Variants in STK33 observed in about 807,000 individuals in gnomAD.
STK33 encodes serine/threonine-protein kinase 33.
A neutral mutation model predicts 58.0 loss-of-function variants in STK33; 52 were observed. That is an observed-to-expected ratio of 0.90 (90% CI 0.72 to 1.13). The LOEUF (loss-of-function observed/expected upper bound fraction) is 1.13, where lower values mean the gene tolerates loss of function less well. Among genes scored for constraint, STK33 ranks in the 50% most tolerant of loss-of-function variants. The pLI, the probability that STK33 is intolerant of heterozygous loss-of-function variation, is 0.00. For missense variants in STK33, 630 were observed against 604.2 expected (o/e 1.04, Z -0.45); for synonymous variants, 215 against 200.1 (o/e 1.07, Z -0.63).
intron 2 of STK33, among the ~76,000 whole-genome samples, 134 bp downstream of exon 2, chr11:8,480,275 TG>T (rs1333422306): frequency 6.6e-6 from 1 of 152,070 alleles, no homozygotes; most frequent in Non-Finnish European, 1.5e-5. Flanking sequence ...AGGGAAGCAA[TG>T]GGGGAATTTA....
At chr11:8,491,820 C>G (rs535108230) in intron 1 of STK33, among the ~76,000 whole-genome samples, 3 of 152,132 alleles carry the variant, frequency 2.0e-5, no homozygotes, top group African/African-American at 7.2e-5. Context: ...AATTTTCAAC[C>G]CAGAATTTCA....
At chr11:8,379,831 C>T in the STK33 span, among the ~76,000 whole-genome samples, 1 of 151,870 alleles carries the variant, frequency 6.6e-6, no homozygotes, top group Non-Finnish European at 1.5e-5. Context: ...TTGTGCTATC[C>T]ATAAGTCCTC....
At chr11:8,451,184 A>G (rs1330547282) in intron 11 of STK33, among the ~76,000 whole-genome samples, 1 of 152,234 alleles carries the variant, frequency 6.6e-6, no homozygotes, top group African/African-American at 2.4e-5. Flanking sequence ...AAAAAATTAA[A>G]CATAAACTTA....
At chr11:8,431,574 C>A (rs146995860) in intron 14 of STK33, among the ~76,000 whole-genome samples, 4 of 152,098 alleles carry the variant, frequency 2.6e-5, no homozygotes, top group Admixed American at 2.0e-4. Flanking sequence ...GGAGAGGAAC[C>A]GTTTTATTCA....
downstream of STK33, among the ~76,000 whole-genome samples, chr11:8,388,824 G>A (rs1848579527): frequency 6.6e-6 from 1 of 152,154 alleles, no homozygotes; most frequent in Non-Finnish European, 1.5e-5. Context: ...GTTCGGTATC[G>A]GGCAACGCTC....
chr11:8,417,063 G>C (rs1005209972), intron 14 of STK33, among the ~76,000 whole-genome samples: 3 of 152,064 alleles, frequency 2.0e-5, no homozygotes, highest in Non-Finnish European at 2.9e-5. Flanking sequence ...AACAAAACTG[G>C]GGCAGAACTG....
At chr11:8,460,675 A>G (rs1302477616) in intron 8 of STK33, among the ~76,000 whole-genome samples, 1 of 152,096 alleles carries the variant, frequency 6.6e-6, no homozygotes, top group Non-Finnish European at 1.5e-5. Context: ...TCACAAGTCC[A>G]TGAACCCCGA....
At chr11:8,413,308 A>C (rs112789281) in intron 15 of STK33, among the ~76,000 whole-genome samples, 187 bp downstream of exon 15, 1 of 152,246 alleles carries the variant, frequency 6.6e-6, no homozygotes, top group Non-Finnish European at 1.5e-5. Context: ...CACCAACCTT[A>C]AAATAAACAT....
intron 15 of STK33, among the ~76,000 whole-genome samples, chr11:8,404,874 C>G (rs1938811143): frequency 6.6e-6 from 1 of 152,220 alleles, no homozygotes; most frequent in Admixed American, 6.5e-5. Flanking sequence ...GGCGCGGTGG[C>G]TCACGCCTGT....
the STK33 span, among the ~76,000 whole-genome samples, chr11:8,371,073 G>A: frequency 6.6e-6 from 1 of 152,180 alleles, no homozygotes; most frequent in Admixed American, 6.5e-5. Flanking sequence ...GTGGGGGCCT[G>A]GGGCAGAGGA....
intron 6 of STK33, among the ~76,000 whole-genome samples, chr11:8,469,418 C>T (rs1332145006): frequency 6.6e-6 from 1 of 152,204 alleles, no homozygotes; most frequent in African/African-American, 2.4e-5. Context: ...AAGTCAGTCC[C>T]ATCTTCAGGC....
chr11:8,399,716 C>T (rs1590746858), intron 15 of STK33, among the ~76,000 whole-genome samples: 1 of 151,980 alleles, frequency 6.6e-6, no homozygotes, highest in South Asian at 2.1e-4. Context: ...ATTGATAGAC[C>T]ACTAGCAAGA....
intron 15 of STK33, among the ~76,000 whole-genome samples, chr11:8,400,134 C>A (rs1246223755): frequency 1.3e-5 from 2 of 152,200 alleles, no homozygotes; most frequent in Non-Finnish European, 2.9e-5. Context: ...CCAGCATCAT[C>A]CTGATACCAA....
chr11:8,473,728 T>G (rs373254814), intron 5 of STK33, among the ~76,000 whole-genome samples: 2 of 152,296 alleles, frequency 1.3e-5, no homozygotes, highest in South Asian at 4.1e-4. Context: ...AGTAACTATA[T>G]GATAATACAA....
chr11:8,559,519 A>G (rs1956982991), intron 1 of STK33, among the ~76,000 whole-genome samples: 1 of 152,244 alleles, frequency 6.6e-6, no homozygotes, highest in South Asian at 2.1e-4. Context: ...AGCTCAGTTT[A>G]GTACGTCATG....
At chr11:8,371,724 CCTT>C in the STK33 span, among the ~76,000 whole-genome samples, 2 of 131,344 alleles carry the variant, frequency 1.5e-5, no homozygotes, top group African/African-American at 5.2e-5. Context: ...TATTTCCCTC[CCTT>C]CTTCTCTCCC....
chr11:8,449,137 G>A (rs1366231660), intron 11 of STK33, among the ~76,000 whole-genome samples: 1 of 151,556 alleles, frequency 6.6e-6, no homozygotes, highest in African/African-American at 2.4e-5. Context: ...GAAACAACAG[G>A]TGCTGGAGAG....
At chr11:8,523,660 G>C (rs540350135) in intron 1 of STK33, among the ~76,000 whole-genome samples, 3 of 151,272 alleles carry the variant, frequency 2.0e-5, no homozygotes, top group South Asian at 4.2e-4. Flanking sequence ...TCCGGGAGGT[G>C]GGGGGCAGCC....
At position 8,471,006 on chromosome 11, in the gene STK33, C is replaced by A. The variant is rs1454692837; in HGVS notation, c.339+2157G>T. 2.0e-5 allele frequency among the ~76,000 whole-genome samples: 3 copies of A among 152,062 alleles called. No individual in the cohort carries two copies. The East Asian group carries it at 5.8e-4, about 29-fold the overall frequency. On this transcript the variant is annotated intron_variant, in intron 6 of 15. Transcript: ENST00000687296. ...CCAACAGACTTGCTTGACACAGTTGCCAAAACTTCAAATTTGTAAAAAACA... is the reference window on the plus strand; with the variant it reads ...CCAACAGACTTGCTTGACACAGTTGACAAAACTTCAAATTTGTAAAAAACA...
Sources: allele counts gnomAD v4.1 joint callset (sites outside exome capture counted in the v4.1 genomes callset), GRCh38; gene constraint gnomAD v4.1.1; transcripts MANE v1.5; gene names NCBI Gene and HGNC (gene_info 2026-07-23, HGNC 2026-07-21).